The following UBA3 variants were observed in gnomAD, a reference collection of about 807,000 sequenced individuals.
The protein encoded by UBA3 is ubiquitin like modifier activating enzyme 3.
UBA3 carries 26 observed loss-of-function variants against 73.5 expected under a neutral mutation model. The ratio of observed to expected loss-of-function variants is 0.35; its 90% CI spans 0.26 to 0.49. The LOEUF (loss-of-function observed/expected upper bound fraction) is 0.49. Among genes scored for constraint, UBA3 ranks in the 20% least tolerant of loss-of-function variants. The pLI, the probability that UBA3 is intolerant of heterozygous loss-of-function variation, is 0.98. For synonymous variants in UBA3, 217 were observed against 191.2 expected (o/e 1.13, Z -1.11); for missense variants, 495 against 555.6 (o/e 0.89, Z 1.10).
Position 69,056,678 on chromosome 3 carries a change from C to G in UBA3, c.1017G>C (p.Leu339Phe). The G allele has an allele frequency of 6.2e-7, 1 of 1,613,284 alleles. No homozygotes were observed. Among genetic ancestry groups the G allele is most frequent in the Non-Finnish European group, 8.5e-7 (1 of 1,179,532 alleles). Reference sequence around the variant, plus strand: ...CATCATTAAACACCAAGTAATTATTCAAGGGAATGTATGCACTGTAATGAA... The same window carrying G: ...CATCATTAAACACCAAGTAATTATTGAAGGGAATGTATGCACTGTAATGAA... ...FKIATSAYIP[L>F]NNYLVFNDVD... The change falls in exon 14 of 18, where the codon TTG becomes TTC. Residue 339 changes from leucine to phenylalanine, a missense_variant. Leu to Phe is a conservative substitution (Grantham distance 22, BLOSUM62 0). Transcript: ENST00000361055.
At chr3:69,059,209 G>T (rs1460247671) in intron 11 of UBA3, among the ~76,000 whole-genome samples, 1 of 152,196 alleles carries the variant, frequency 6.6e-6, no homozygotes, top group Non-Finnish European at 1.5e-5. Flanking sequence ...GAGAATGATG[G>T]ATGCAGTCCA....
intron 11 of UBA3, 83 bp from the exon 12 acceptor site, chr3:69,057,392 A>G: frequency 7.8e-7 from 1 of 1,277,950 alleles, no homozygotes; most frequent in Non-Finnish European, 1.1e-6. Context: ...ATTATTAAAT[A>G]CCATTTTCTA....
At chr3:69,062,035 T>A (rs376801151) in intron 10 of UBA3, 42 bp downstream of exon 10, 21 of 1,460,886 alleles carry the variant, frequency 1.4e-5, no homozygotes, top group Non-Finnish European at 1.9e-5. Flanking sequence ...AGAAAAAATA[T>A]GTATTTTATG....
At position 69,061,816 on chromosome 3, in the gene UBA3, T is replaced by C; in HGVS notation, c.908A>G (p.Gln303Arg). 6.3e-7 allele frequency: 1 copy of C among 1,581,022 alleles called. No homozygotes were observed. Among genetic ancestry groups the C allele is most frequent in the Non-Finnish European group, 8.6e-7 (1 of 1,164,946 alleles). Residue 303 changes from glutamine to arginine, a missense_variant and splice_region_variant, in exon 11 of 18, where the codon CAA becomes CGA. Coordinates refer to ENST00000361055, the MANE Select transcript of UBA3 (RefSeq NM_003968.4). ...TTCATGACAATTTGCTGACTTACCTTGAGTGAGCCTATACGTAACACCCCT... is the reference window on the plus strand; with the variant it reads ...TTCATGACAATTTGCTGACTTACCTCGAGTGAGCCTATACGTAACACCCCT... The part of the protein sequence containing the change: ...NIRGVTYRLT[Q>R]GVVKRIIPAV...
chr3:69,080,085 G>C (rs773981652), intron 2 of UBA3, 27 bp downstream of exon 2: 2 of 1,604,936 alleles, frequency 1.2e-6, no homozygotes, highest in Non-Finnish European at 1.7e-6. Context: ...TCCCCGGAGA[G>C]GGCCCCGGCC....
At chr3:69,077,675 T>A (rs1023968486) in intron 3 of UBA3, 123 bp downstream of exon 3, 10 of 1,075,606 alleles carry the variant, frequency 9.3e-6, no homozygotes, top group Non-Finnish European at 1.3e-5. Flanking sequence ...TTAAGAAAAA[T>A]TTAGTTTCAC....
At position 69,080,327 on chromosome 3, in the gene UBA3, T is replaced by C. The variant is rs2092209468; in HGVS notation, c.20+7A>G. ...GCCCGGCGCGTCTGCAGAGCCCCGG[T>C]ACTTACGGCTCCTCGCCATCCGCCA... On this transcript the variant is annotated splice_region_variant and intron_variant, in intron 1 of 17. Transcript: ENST00000361055. 3.1e-6 allele frequency: 5 copies of C among 1,603,210 alleles called. No individual in the cohort carries two copies. Among genetic ancestry groups the C allele is most frequent in the Non-Finnish European group, 4.2e-6 (5 of 1,176,884 alleles).
rs1020641538 is a variant in UBA3 at position 69,062,856 on chromosome 3, C to A, written c.693+126G>T. The A allele has an allele frequency of 1.9e-5, 22 of 1,167,648 alleles. No individual in the cohort carries two copies. The Admixed American group carries it at 4.8e-4, about 26-fold the overall frequency. 72.3% of individuals were successfully genotyped at this position (1,167,648 alleles called of 1,614,324 possible). A position where few individuals can be genotyped will look rare whatever the true frequency, so the allele number is the denominator to read the frequency against. ...CAGAATTTCATATTTTATCTTTCTTCTTAGTGTAATTTTTAAAATACGGCC... is the reference window on the plus strand; with the variant it reads ...CAGAATTTCATATTTTATCTTTCTTATTAGTGTAATTTTTAAAATACGGCC... On this transcript the variant is annotated intron_variant, in intron 9 of 17. Coordinates refer to ENST00000361055, the MANE Select transcript of UBA3 (RefSeq NM_003968.4).
chr3:69,075,897 A>G (rs2092162451), intron 3 of UBA3, among the ~76,000 whole-genome samples: 2 of 151,820 alleles, frequency 1.3e-5, no homozygotes, highest in Admixed American at 1.3e-4. Context: ...ACACCTGGCT[A>G]ATTTTTTATT....
chr3:69,057,258 G>A lies in UBA3; in HGVS notation c.962C>T (p.Ala321Val). 6.2e-7 allele frequency: 1 copy of A among 1,610,256 alleles called. No individual in the cohort carries two copies. Among genetic ancestry groups the A allele is most frequent in the Non-Finnish European group, 8.5e-7 (1 of 1,179,068 alleles). The change falls in exon 12 of 18, where the codon GCA (alanine) becomes GTA (valine). Residue 321 changes from alanine (A) to valine (V), a missense_variant and splice_region_variant. Physicochemically the swap from Ala to Val is moderately conservative, Grantham distance 64. Coordinates refer to ENST00000361055, the MANE Select transcript of UBA3 (RefSeq NM_003968.4). Reference sequence around the variant, plus strand: ...AGTGATGGCCTTTTCTTCCTCACCTGCAATGACTGCATTTGTGGAAGCTAC... The same window carrying A: ...AGTGATGGCCTTTTCTTCCTCACCTACAATGACTGCATTTGTGGAAGCTAC... ...PAVASTNAVI[A>V]AVCATEVFKI... is the part of the protein sequence containing the mutation.
At chr3:69,076,095 TA>T (rs1228879720) in intron 3 of UBA3, among the ~76,000 whole-genome samples, 1 of 152,236 alleles carries the variant, frequency 6.6e-6, no homozygotes, top group East Asian at 1.9e-4. Flanking sequence ...CAAGGAAAAC[TA>T]TCTCTAATTT....
intron 1 of UBA3, 42 bp downstream of exon 1, chr3:69,080,292 A>T: frequency 6.2e-7 from 1 of 1,601,786 alleles, no homozygotes; most frequent in Non-Finnish European, 8.5e-7. Context: ...CTCTCTCACA[A>T]CCCAGCCCAG....
Position 69,067,872 on chromosome 3 carries a change from A to G in UBA3, c.428+56T>C, listed in dbSNP as rs1314903197. On this transcript the variant is annotated intron_variant, in intron 6 of 17. Coordinates refer to ENST00000361055, the MANE Select transcript of UBA3 (RefSeq NM_003968.4). The stretch of plus-strand genomic sequence containing the variant: ...GTATTCTCTGTTAAATATCTCTTAT[A>G]ATAAAGGAAAAAAGCTTTTAAAAAT... The G allele has an allele frequency of 3.7e-6, 5 of 1,347,614 alleles. No individual in the cohort carries two copies. In the East Asian group the frequency reaches 7.2e-5, roughly 19 times the overall value. The allele number at this position is 1,347,614 out of a possible 1,614,324, so 83.5% of individuals were successfully genotyped here.
intron 5 of UBA3, 146 bp downstream of exon 5, chr3:69,071,389 A>G: frequency 1.9e-6 from 1 of 538,486 alleles, no homozygotes; most frequent in Non-Finnish European, 3.2e-6. Context: ...AACTTTACCT[A>G]CAATGGGAAT....
chr3:69,066,616 G>C (rs2092074150), intron 6 of UBA3, among the ~76,000 whole-genome samples: 1 of 151,962 alleles, frequency 6.6e-6, no homozygotes, highest in African/African-American at 2.4e-5. Flanking sequence ...ATTCTTAGTA[G>C]AGACGGGGTT....
At chr3:69,066,799 C>A (rs1448674259) in intron 6 of UBA3, among the ~76,000 whole-genome samples, 1 of 152,132 alleles carries the variant, frequency 6.6e-6, no homozygotes, top group Admixed American at 6.5e-5. Context: ...GGTCAAAATT[C>A]ATCTTTTAAC....
intron 4 of UBA3, among the ~76,000 whole-genome samples, chr3:69,073,621 C>T (rs2092139708): frequency 1.3e-5 from 2 of 151,702 alleles, no homozygotes; most frequent in African/African-American, 4.8e-5. Flanking sequence ...TTTGCTCAAT[C>T]AGTAATATTA....
At chr3:69,078,001 A>G in intron 2 of UBA3, 83 bp from the exon 3 acceptor site, 1 of 1,515,718 alleles carries the variant, frequency 6.6e-7, no homozygotes, top group Non-Finnish European at 8.9e-7. Flanking sequence ...CCCCAAATGA[A>G]AAGGTAACCA....
chr3:69,068,855 G>T (rs899909763), intron 5 of UBA3, among the ~76,000 whole-genome samples: 1 of 152,232 alleles, frequency 6.6e-6, no homozygotes, highest in African/African-American at 2.4e-5. Context: ...ACAGGCATGA[G>T]CCACCATGCC....
Sources: gnomAD v4.1 joint callset for allele counts (sites outside exome capture counted in the v4.1 genomes callset) on GRCh38, gnomAD v4.1.1 for gene constraint, MANE v1.5 for transcripts, NCBI Gene and HGNC (gene_info 2026-07-23, HGNC 2026-07-21) for gene names.